The following SIK2 variants were observed in gnomAD, a reference collection of about 807,000 sequenced individuals.
SIK2 encodes the protein salt inducible kinase 2.
A neutral mutation model predicts 103.2 loss-of-function variants in SIK2; 29 were observed. The observed-to-expected ratio is 0.28, with a 90% CI of 0.21 to 0.38. SIK2 has a LOEUF of 0.38. Among genes scored for constraint, SIK2 ranks in the 10% least tolerant of loss-of-function variants. The pLI, the probability that SIK2 is intolerant of heterozygous loss-of-function variation, is 1.00. For missense variants in SIK2, 879 were observed against 1,171.0 expected (o/e 0.75, Z 3.64); for synonymous variants, 412 against 446.1 (o/e 0.92, Z 0.96).
intron 9 of SIK2, among the ~76,000 whole-genome samples, chr11:111,716,048 C>T (rs987598973): frequency 2.0e-5 from 3 of 152,042 alleles, no homozygotes; most frequent in South Asian, 2.1e-4. Flanking sequence ...GTGATCTGCC[C>T]GCCTTGGCCT....
intron 3 of SIK2, among the ~76,000 whole-genome samples, chr11:111,660,805 C>G (rs568400666): frequency 4.0e-4 from 59 of 148,424 alleles, no homozygotes; most frequent in African/African-American, 1.3e-3. Context: ...AAAACTTGAA[C>G]CTAATGGATT....
intron 3 of SIK2, among the ~76,000 whole-genome samples, chr11:111,655,875 A>G (rs1282698196): frequency 1.3e-5 from 2 of 152,068 alleles, no homozygotes; most frequent in East Asian, 1.9e-4. Context: ...TAAATACTCT[A>G]TCAATGTTTA....
chr11:111,721,780 G>A lies in SIK2; in HGVS notation c.1945-50G>A, dbSNP rs367827842. On this transcript the variant is annotated intron_variant, in intron 12 of 14. Transcript: ENST00000304987. ...AGGTGCTTCAGCTAAGAACTGAGAC[G>A]TTTTTCCCCATGGGGAATTGAAAAT... 8.5e-5 allele frequency: 125 copies of A among 1,463,566 alleles called. No homozygotes were observed. The African/African-American group carries it at 1.2e-3, about 14-fold the overall frequency. The allele number at this position is 1,463,566 out of a possible 1,614,324, so 90.7% of individuals were successfully genotyped here.
intron 3 of SIK2, among the ~76,000 whole-genome samples, chr11:111,669,098 G>C (rs1275902467): frequency 1.3e-5 from 2 of 152,180 alleles, no homozygotes; most frequent in Non-Finnish European, 2.9e-5. Flanking sequence ...GTTTTAAAGA[G>C]AACAAGAATT....
At chr11:111,693,693 G>C (rs564010713) in intron 4 of SIK2, among the ~76,000 whole-genome samples, 1 of 152,320 alleles carries the variant, frequency 6.6e-6, no homozygotes, top group African/African-American at 2.4e-5. Flanking sequence ...GAGTTGAGTA[G>C]CAGTGCTGGT....
intron 1 of SIK2, among the ~76,000 whole-genome samples, chr11:111,608,078 G>A (rs1033047479): frequency 4.6e-5 from 7 of 152,172 alleles, no homozygotes; most frequent in African/African-American, 7.2e-5. Context: ...CCGCTTTAAT[G>A]TACCTAGTAC....
chr11:111,704,655 C>T (rs1193805882), intron 7 of SIK2, among the ~76,000 whole-genome samples: 1 of 152,180 alleles, frequency 6.6e-6, no homozygotes, highest in Non-Finnish European at 1.5e-5. Context: ...ACCGTTACAG[C>T]TATGAGATGG....
chr11:111,623,453 T>C (rs1941920685), intron 3 of SIK2, among the ~76,000 whole-genome samples: 1 of 152,250 alleles, frequency 6.6e-6, no homozygotes, highest in Non-Finnish European at 1.5e-5. Flanking sequence ...ATTGCCAATT[T>C]TACCTTGAGC....
chr11:111,604,301 T>A (rs1014684980), intron 1 of SIK2, among the ~76,000 whole-genome samples: 5 of 152,252 alleles, frequency 3.3e-5, no homozygotes, highest in African/African-American at 1.2e-4. Flanking sequence ...AGTCCTTGCT[T>A]AATGACTTTC....
At chr11:111,679,623 C>T (rs1357064804) in intron 3 of SIK2, among the ~76,000 whole-genome samples, 1 of 151,818 alleles carries the variant, frequency 6.6e-6, no homozygotes, top group African/African-American at 2.4e-5. Context: ...TTAGGGTAAC[C>T]CACGTTATCC....
chr11:111,657,141 A>C (rs192716266), intron 3 of SIK2, among the ~76,000 whole-genome samples: 1 of 152,342 alleles, frequency 6.6e-6, no homozygotes, highest in East Asian at 1.9e-4. Context: ...GATTTTTAAA[A>C]ATGAGATGGC....
At chr11:111,662,823 A>G (rs1270108671) in intron 3 of SIK2, among the ~76,000 whole-genome samples, 1 of 152,066 alleles carries the variant, frequency 6.6e-6, no homozygotes, top group African/African-American at 2.4e-5. Context: ...GGCTGCAGTG[A>G]GCCGTGATCA....
chr11:111,705,158 A>C lies in SIK2; in HGVS notation c.1101+19A>C. 1 of 1,546,692 alleles carries C rather than the reference A, an allele frequency of 6.5e-7. No homozygotes were observed. The highest frequency in any genetic ancestry group is 8.6e-7 in the Non-Finnish European group (1 of 1,157,508). ...TGCCAAGGTAATGCCCCCTTAGCTG[A>C]GAGTCTTATCTGTGCATGTGCCTGT... On this transcript the variant is annotated intron_variant, in intron 8 of 14. Coordinates refer to ENST00000304987, the MANE Select transcript of SIK2 (RefSeq NM_015191.3). The surrounding 1 kb of genome is among the most constrained non-coding windows in gnomAD (Gnocchi z 4.3).
At chr11:111,675,462 G>C (rs1006837833) in intron 3 of SIK2, among the ~76,000 whole-genome samples, 5 of 152,242 alleles carry the variant, frequency 3.3e-5, no homozygotes, top group Admixed American at 2.0e-4. Flanking sequence ...TAGGTGAGCA[G>C]ATAGTTTTGG....
chr11:111,626,710 C>A (rs1316048303), intron 3 of SIK2, among the ~76,000 whole-genome samples: 67 of 147,590 alleles, frequency 4.5e-4, no homozygotes, highest in South Asian at 6.5e-4. Flanking sequence ...CCATTAACTA[C>A]AAAAAAAAAA....
At chr11:111,704,898 A>G (rs1943304377) in intron 7 of SIK2, 89 bp from the exon 8 acceptor site, 1 of 1,423,908 alleles carries the variant, frequency 7.0e-7, no homozygotes, top group Non-Finnish European at 9.4e-7. Flanking sequence ...AAGAGCACAC[A>G]ATTTCTTTCC....
intron 3 of SIK2, among the ~76,000 whole-genome samples, chr11:111,675,285 A>G (rs1942687782): frequency 6.6e-6 from 1 of 152,250 alleles, no homozygotes; most frequent in Non-Finnish European, 1.5e-5. Context: ...GAAGCAAGGC[A>G]GGGATATGCA....
chr11:111,707,156 A>G (rs758919554), intron 8 of SIK2, among the ~76,000 whole-genome samples: 3 of 152,144 alleles, frequency 2.0e-5, no homozygotes, highest in Non-Finnish European at 4.4e-5. Context: ...CCTTCTTGCA[A>G]ATGCCACTAG....
intron 3 of SIK2, among the ~76,000 whole-genome samples, chr11:111,640,733 T>TTA (rs1259081353): frequency 7.9e-6 from 1 of 126,286 alleles, no homozygotes; most frequent in African/African-American, 2.9e-5. Flanking sequence ...TTTTTTTTTT[T>TTA]TTTTTTTTTT....
Sources: allele counts gnomAD v4.1 joint callset (sites outside exome capture counted in the v4.1 genomes callset), GRCh38; gene constraint gnomAD v4.1.1; non-coding constraint Gnocchi (gnomAD v3.1); transcripts MANE v1.5; gene names NCBI Gene and HGNC (gene_info 2026-07-23, HGNC 2026-07-21).